PCDHGA4: variants seen among roughly 807,000 people sequenced by gnomAD.
PCDHGA4 encodes the protein protocadherin gamma-A4.
Under a neutral mutation model 54.6 loss-of-function variants are expected in PCDHGA4, and 38 were observed. That is an observed-to-expected ratio of 0.70 (90% CI 0.54 to 0.91). The LOEUF is 0.91. Ranked by LOEUF, PCDHGA4 falls within the 40% of genes least tolerant of loss-of-function variation. PCDHGA4 has a pLI of 0.00. For synonymous variants in PCDHGA4, 511 were observed against 512.9 expected (o/e 1.00, Z 0.05); for missense variants, 1,298 against 1,220.9 (o/e 1.06, Z -0.94).
intron 1 of PCDHGA4, among the ~76,000 whole-genome samples, chr5:141,401,533 C>T (rs998579261): frequency 5.9e-5 from 9 of 151,790 alleles, no homozygotes; most frequent in South Asian, 2.1e-4. Context: ...AAGAAACTTA[C>T]AAAAAAAAGG....
intron 1 of PCDHGA4, chr5:141,382,985 G>C (rs769787880): frequency 1.2e-6 from 2 of 1,613,304 alleles, no homozygotes; most frequent in African/African-American, 2.7e-5. Context: ...GCCTGGGCAG[G>C]ACGTATTCTC....
intron 1 of PCDHGA4, among the ~76,000 whole-genome samples, chr5:141,445,871 T>C (rs1318495005): frequency 6.6e-6 from 1 of 152,198 alleles, no homozygotes; most frequent in Non-Finnish European, 1.5e-5. Context: ...TTGTTCTAAA[T>C]ACCCTTGTAC....
At chr5:141,414,639 T>A in intron 1 of PCDHGA4, 1 of 1,613,966 alleles carries the variant, frequency 6.2e-7, no homozygotes, top group South Asian at 1.1e-5. Context: ...GCAAAGAGAA[T>A]GCCCAGATTA....
chr5:141,474,291 AGT>A (rs1191263215), intron 1 of PCDHGA4, among the ~76,000 whole-genome samples: 1 of 152,210 alleles, frequency 6.6e-6, no homozygotes, highest in Admixed American at 6.5e-5. Flanking sequence ...CCACTAGATC[AGT>A]GCTTGTCAAA....
chr5:141,370,542 C>T (rs1009513071), intron 1 of PCDHGA4: 17 of 1,613,784 alleles, frequency 1.1e-5, no homozygotes, highest in Non-Finnish European at 1.4e-5. Context: ...GGTAGGGAAC[C>T]TCGCCAAGGA....
At chr5:141,422,683 G>A in intron 1 of PCDHGA4, 1 of 1,605,286 alleles carries the variant, frequency 6.2e-7, no homozygotes, top group Non-Finnish European at 8.5e-7. Flanking sequence ...CAAACAGAAT[G>A]CCCTGGTCAC....
At chr5:141,365,353 T>A (rs565922694) in intron 1 of PCDHGA4, 17 of 1,613,862 alleles carry the variant, frequency 1.1e-5, no homozygotes, top group Non-Finnish European at 1.4e-5. Flanking sequence ...AGGACGTGAA[T>A]GACAATGCCC....
Position 141,477,350 on chromosome 5 carries a change from A to G in PCDHGA4, c.2515-17457A>G. The G allele has an allele frequency of 6.2e-7, 1 of 1,614,142 alleles. No individual in the cohort carries two copies. Among genetic ancestry groups the G allele is most frequent in the Non-Finnish European group, 8.5e-7 (1 of 1,180,016 alleles). On this transcript the variant is annotated intron_variant, in intron 1 of 3. Transcript: ENST00000571252. The surrounding 1 kb of genome is among the most constrained non-coding windows in gnomAD (Gnocchi z 4.9). ...CAAGAATTACTTCACTTTGAAAACC[A>G]GTGCAGACCTGGATCGGGAGACTGT...
chr5:141,420,458 C>A, intron 1 of PCDHGA4: 3 of 925,194 alleles, frequency 3.2e-6, no homozygotes, highest in Non-Finnish European at 2.9e-6. Context: ...TCCTACTATT[C>A]AAAGACATTT....
rs773127033 is a variant in PCDHGA4 at position 141,365,541 on chromosome 5, T to C, written c.2514+7920T>C. On this transcript the variant is annotated intron_variant, in intron 1 of 3. Transcript: ENST00000571252. Reference sequence around the variant, plus strand: ...AAGTCAGTTGATAATTACTATCACCTATTAACAACTAGGGACCTGGACAGA... The same window carrying C: ...AAGTCAGTTGATAATTACTATCACCCATTAACAACTAGGGACCTGGACAGA... 3 of 1,613,728 alleles carry C rather than the reference T, an allele frequency of 1.9e-6. No individual in the cohort carries two copies. In the African/African-American group the frequency reaches 4.0e-5, roughly 22 times the overall value.
In PCDHGA4 at chr5:141,432,785, G is replaced by A. The variant is rs1356593437; in HGVS notation, c.2515-62022G>A. 2.5e-6 allele frequency: 4 copies of A among 1,613,992 alleles called. No individual in the cohort carries two copies. The African/African-American group carries it at 4.0e-5, about 16-fold the overall frequency. On this transcript the variant is annotated intron_variant, in intron 1 of 3. Transcript: ENST00000571252. The surrounding 1 kb of genome is among the most constrained non-coding windows in gnomAD (Gnocchi z 6.0). ...CATCCCCCAAGTCCTGGCGGACCTC[G>A]GCAGCCTCGAGTCTCCAGCTAACTC...
chr5:141,469,436 G>A (rs556417221), intron 1 of PCDHGA4, among the ~76,000 whole-genome samples: 11 of 152,118 alleles, frequency 7.2e-5, no homozygotes, highest in East Asian at 1.9e-4. Flanking sequence ...TTAGCTGGGC[G>A]TGGTGGTGCA....
chr5:141,368,008 G>A (rs1189583179), intron 1 of PCDHGA4, among the ~76,000 whole-genome samples: 1 of 152,086 alleles, frequency 6.6e-6, no homozygotes, highest in African/African-American at 2.4e-5. Context: ...ATGAAATACT[G>A]GCCTATGTGC....
chr5:141,464,200 G>C (rs1331779739), intron 1 of PCDHGA4, among the ~76,000 whole-genome samples: 1 of 149,856 alleles, frequency 6.7e-6, no homozygotes, highest in Non-Finnish European at 1.5e-5. Flanking sequence ...AGGAGGCGGA[G>C]ATTGCAGTGA....
In PCDHGA4 at chr5:141,355,857, C is replaced by G. The variant is rs567640077; in HGVS notation, c.750C>G (p.Asp250Glu). ...TTCTCACGGCCTTCGATGGAGGTGA[C>G]CCGGTTCGCTCTGGCACTGCCAGGA... ...HLVLTAFDGG[D>E]PVRSGTARIL... The change falls in exon 1 of 4, where the codon GAC (aspartate) becomes GAG (glutamate). Residue 250 changes from aspartate to glutamate, a missense_variant. Transcript: ENST00000571252. The G allele has an allele frequency of 2.5e-6, 4 of 1,612,456 alleles. No individual in the cohort carries two copies. The highest frequency in any genetic ancestry group is 2.2e-5 in the South Asian group (2 of 90,806).
At position 141,356,492 on chromosome 5, in the gene PCDHGA4, C is replaced by G; in HGVS notation, c.1385C>G (p.Pro462Arg). ...ACTGCCACTGACCAGGGAACTCCTC[C>G]ACTGTCTACAGAAACTCATATTTCA... ...TVTATDQGTPPLSTETHISLQ... is the reference protein window; with the variant it reads ...TVTATDQGTPRLSTETHISLQ... The change falls in exon 1 of 4, where the codon CCA becomes CGA. Residue 462 changes from proline (P) to arginine (R), a missense_variant. Transcript: ENST00000571252. 2.5e-6 allele frequency: 4 copies of G among 1,613,984 alleles called. No homozygotes were observed. The highest frequency in any genetic ancestry group is 3.4e-6 in the Non-Finnish European group (4 of 1,179,882).
chr5:141,384,112 G>T (rs372458558), intron 1 of PCDHGA4: 2 of 1,605,392 alleles, frequency 1.2e-6, no homozygotes, highest in Non-Finnish European at 1.7e-6. Flanking sequence ...TTATAGATTG[G>T]TCACAACCAA....
chr5:141,458,825 C>A (rs1417477907), intron 1 of PCDHGA4, among the ~76,000 whole-genome samples: 1 of 152,102 alleles, frequency 6.6e-6, no homozygotes, highest in Non-Finnish European at 1.5e-5. Context: ...CTCTGCCTCC[C>A]AGGCTCAAGT....
chr5:141,371,427 C>G lies in PCDHGA4; in HGVS notation c.2514+13806C>G, dbSNP rs773502490. The stretch of plus-strand genomic sequence containing the variant: ...TATTTCAGATGAAAATGACAATGCC[C>G]CGGAGATAACCCTGGCTTCTGAATC... On this transcript the variant is annotated intron_variant, in intron 1 of 3. Transcript: ENST00000571252. 1.9e-6 allele frequency: 3 copies of G among 1,613,898 alleles called. No homozygotes were observed. Among genetic ancestry groups the G allele is most frequent in the South Asian group, 2.2e-5 (2 of 91,072 alleles).
Sources: allele counts gnomAD v4.1 joint callset (sites outside exome capture counted in the v4.1 genomes callset), GRCh38; gene constraint gnomAD v4.1.1; non-coding constraint Gnocchi (gnomAD v3.1); transcripts MANE v1.5; gene names NCBI Gene and HGNC (gene_info 2026-07-23, HGNC 2026-07-21).